TLN2: variants seen among roughly 807,000 people sequenced by gnomAD.
TLN2 encodes talin-2.
In TLN2, 118 loss-of-function variants were observed where a neutral mutation model predicts 294.7. The ratio of observed to expected loss-of-function variants is 0.40; its 90% CI spans 0.34 to 0.47. The LOEUF is 0.47. Among genes scored for constraint, TLN2 ranks in the 20% least tolerant of loss-of-function variants. The pLI, the probability that TLN2 is intolerant of heterozygous loss-of-function variation, is 0.84. For missense variants in TLN2, 3,083 were observed against 3,282.2 expected, an observed-to-expected ratio of 0.94 and a Z score of 1.48; for synonymous variants, 1,431 against 1,304.5, an observed-to-expected ratio of 1.10 and a Z score of -2.09.
chr15:62,836,014 C>G lies in TLN2; in HGVS notation c.7315C>G (p.Leu2439Val). ...GCAGGTCGCCGCTTCCACGGCTCAG[C>G]TGCTGGTGGCCTGCAAGGTGAAGGC... ...AKQVAASTAQ[L>V]LVACKVKADQ... Residue 2439 changes from leucine to valine, a missense_variant, in exon 57 of 59, where the codon CTG (leucine) becomes GTG (valine). By Grantham distance (32) the Leu-to-Val change is conservative. Coordinates refer to ENST00000636159, the MANE Select transcript of TLN2 (RefSeq NM_015059.3). The G allele has an allele frequency of 6.2e-7, 1 of 1,613,210 alleles. No homozygotes were observed. Among genetic ancestry groups the G allele is most frequent in the Non-Finnish European group, 8.5e-7 (1 of 1,179,604 alleles).
intron 32 of TLN2, among the ~76,000 whole-genome samples, chr15:62,742,024 G>GGGGT (rs1555495837): frequency 9.7e-5 from 8 of 82,222 alleles, no homozygotes; most frequent in African/African-American, 3.5e-4. Flanking sequence ...CTTGTAGTGG[G>GGGGT]GTGTGTGTGT....
rs2070810350 is a variant in TLN2, at chr15:62,842,497, C to T, written c.*1887C>T. On this transcript the variant is annotated 3_prime_UTR_variant, in exon 59 of 59. Transcript: ENST00000636159. ...CTCAGAGTCACAATGTGTTCATGGC[C>T]TCCTGTAACAGGACTCTGGGGATCC... 6.6e-6 allele frequency: 1 copy of T among 152,210 alleles called. No individual in the cohort carries two copies. The highest frequency in any genetic ancestry group is 2.4e-5 in the African/African-American group (1 of 41,424). 9.4% of individuals were successfully genotyped at this position (152,210 alleles called of 1,614,324 possible).
chr15:62,805,291 T>G (rs560193534), intron 50 of TLN2, among the ~76,000 whole-genome samples: 76 of 152,158 alleles, frequency 5.0e-4, no homozygotes, highest in African/African-American at 1.7e-3. Context: ...ACAACAACCT[T>G]TCACAGGATG....
chr15:62,548,919 C>T (rs1390398792), intron 1 of TLN2, among the ~76,000 whole-genome samples: 1 of 152,128 alleles, frequency 6.6e-6, no homozygotes, highest in Non-Finnish European at 1.5e-5. Flanking sequence ...GAATCCAAGA[C>T]TTTATTCTAT....
At chr15:62,812,551 C>G (rs1020127719) in intron 52 of TLN2, among the ~76,000 whole-genome samples, 2 of 152,260 alleles carry the variant, frequency 1.3e-5, no homozygotes, top group African/African-American at 4.8e-5. Context: ...ATTCTTTCTT[C>G]GTAAGGAAGG....
chr15:62,804,176 C>T (rs949212431), intron 50 of TLN2, among the ~76,000 whole-genome samples: 2 of 152,150 alleles, frequency 1.3e-5, no homozygotes, highest in African/African-American at 4.8e-5. Context: ...ACACAGGTAC[C>T]CCTGTGAACA....
intron 54 of TLN2, chr15:62,827,883 G>C (rs1294916915): frequency 6.6e-6 from 1 of 152,192 alleles, no homozygotes; most frequent in Non-Finnish European, 1.5e-5. Flanking sequence ...GGGGAAGTAG[G>C]CTTAGAAGAT....
chr15:62,689,877 TA>T (rs2057641060), intron 12 of TLN2, among the ~76,000 whole-genome samples: 15 of 9,846 alleles, frequency 1.5e-3, no homozygotes, highest in South Asian at 8.3e-3. Context: ...TTTTTTTTTT[TA>T]TTGGCTGACC....
intron 1 of TLN2, among the ~76,000 whole-genome samples, chr15:62,547,630 G>A (rs1005026610): frequency 1.3e-5 from 2 of 152,192 alleles, no homozygotes; most frequent in African/African-American, 4.8e-5. Context: ...GCCTTGGGCT[G>A]TGTTTTTTCA....
intron 9 of TLN2, 88 bp downstream of exon 9, chr15:62,657,986 C>G: frequency 7.9e-7 from 1 of 1,260,244 alleles, no homozygotes; most frequent in South Asian, 1.5e-5. Context: ...TGTCTAAGAT[C>G]ATACCCTAAT....
Position 62,653,193 on chromosome 15 carries a change from C to G in TLN2, c.396C>G (p.Ile132Met). 1 of 1,600,196 alleles carries G rather than the reference C, an allele frequency of 6.2e-7. No homozygotes were observed. The highest frequency in any genetic ancestry group is 8.5e-7 in the Non-Finnish European group (1 of 1,173,022). ...CAAATTATGAAGAATACTCCTTAATCCAAGAAACTATTGAAGAAAAGAAAG... is the reference window on the plus strand; with the variant it reads ...CAAATTATGAAGAATACTCCTTAATGCAAGAAACTATTGAAGAAAAGAAAG... Reference protein sequence around the residue: ...GITNYEEYSLIQETIEEKKEE... With the variant: ...GITNYEEYSLMQETIEEKKEE... The change falls in exon 7 of 59, where the codon ATC (isoleucine) becomes ATG (methionine). Residue 132 changes from isoleucine to methionine, a missense_variant. Ile to Met is a conservative substitution (Grantham distance 10). Coordinates refer to ENST00000636159, the MANE Select transcript of TLN2 (RefSeq NM_015059.3).
At chr15:62,503,220 TAAAA>T (rs138630216) in intron 1 of TLN2, among the ~76,000 whole-genome samples, 1 of 151,904 alleles carries the variant, frequency 6.6e-6, no homozygotes, top group South Asian at 2.1e-4. Flanking sequence ...TATAGAAAAA[TAAAA>T]AAATAATAAA....
intron 1 of TLN2, among the ~76,000 whole-genome samples, chr15:62,416,775 C>G (rs571088160): frequency 2.7e-4 from 41 of 152,184 alleles, no homozygotes; most frequent in Non-Finnish European, 5.3e-4. Context: ...AAGGCTTGCT[C>G]TGAGCTCATG....
chr15:62,725,209 T>A, intron 27 of TLN2, 105 bp downstream of exon 27: 2 of 1,450,496 alleles, frequency 1.4e-6, no homozygotes, highest in Non-Finnish European at 1.8e-6. Context: ...GTTGAGAAGC[T>A]TCTAATCCTG....
At chr15:62,784,843 G>C (rs118017159) in intron 45 of TLN2, 1 of 152,218 alleles carries the variant, frequency 6.6e-6, no homozygotes, top group Non-Finnish European at 1.5e-5. Context: ...AAGGCAGAAG[G>C]TTGTAATTGG....
At chr15:62,701,301 T>G in intron 17 of TLN2, 87 bp downstream of exon 17, 1 of 1,106,832 alleles carries the variant, frequency 9.0e-7, no homozygotes, top group African/African-American at 1.6e-5. Context: ...AGTTATCTGT[T>G]GATTGAAACA....
At chr15:62,731,779 C>G (rs1049955962) in intron 28 of TLN2, among the ~76,000 whole-genome samples, 1 of 152,170 alleles carries the variant, frequency 6.6e-6, no homozygotes, top group Non-Finnish European at 1.5e-5. Context: ...CTTGGTATTT[C>G]TCCAGTGTCT....
At chr15:62,574,829 A>T (rs955776844) in intron 1 of TLN2, among the ~76,000 whole-genome samples, 1 of 152,104 alleles carries the variant, frequency 6.6e-6, no homozygotes, top group Non-Finnish European at 1.5e-5. Flanking sequence ...AGTTGTAGAT[A>T]TAAAAATATA....
rs115493663 is a variant in TLN2 at position 62,799,873 on chromosome 15, A to G, written c.6235-495A>G. Among the ~76,000 whole-genome samples, 946 of 152,348 alleles carry G rather than the reference A, an allele frequency of 6.2e-3. 12 individuals are homozygous for G. The highest frequency in any genetic ancestry group is 0.021 in the African/African-American group (863 of 41,580). The stretch of plus-strand genomic sequence containing the variant: ...AGTTAGAACAATGAGCAAAGGTCCG[A>G]AACAGGAATGAGTTGAGATTTCCCA... On this transcript the variant is annotated intron_variant, in intron 48 of 58. Transcript: ENST00000636159.
Sources: gnomAD v4.1 joint callset for allele counts (sites outside exome capture counted in the v4.1 genomes callset) on GRCh38, gnomAD v4.1.1 for gene constraint, MANE v1.5 for transcripts, NCBI Gene and HGNC (gene_info 2026-07-23, HGNC 2026-07-21) for gene names.